The following TNR variants were observed in gnomAD, a reference collection of about 807,000 sequenced individuals.
TNR encodes tenascin-R.
TNR carries 45 observed loss-of-function variants against 150.4 expected under a neutral mutation model. The observed-to-expected ratio is 0.30, with a 90% confidence interval of 0.24 to 0.38. TNR has a LOEUF of 0.38. TNR is among the 10% of genes least tolerant of loss of function. TNR has a pLI of 1.00. For missense variants in TNR, 1,544 were observed against 1,759.1 expected, an observed-to-expected ratio of 0.88 and a Z score of 2.19; for synonymous variants, 687 against 678.4, an observed-to-expected ratio of 1.01 and a Z score of -0.20.
chr1:175,719,923 C>T (rs1379623684), intron 1 of TNR, among the ~76,000 whole-genome samples: 1 of 152,220 alleles, frequency 6.6e-6, no homozygotes, highest in Non-Finnish European at 1.5e-5. Context: ...ATTTCCACAA[C>T]AGTTCCTGTA....
intron 1 of TNR, among the ~76,000 whole-genome samples, chr1:175,570,975 G>A (rs956179780): frequency 2.6e-5 from 4 of 152,136 alleles, no homozygotes; most frequent in Admixed American, 6.5e-5. Flanking sequence ...TCCTTGAGGT[G>A]CATGTAGATT....
At chr1:175,382,729 A>G (rs859430) in intron 8 of TNR, among the ~76,000 whole-genome samples, 104,003 of 151,538 alleles carry the variant, frequency 0.69, 35,932 homozygotes, top group East Asian at 0.82. Flanking sequence ...GTGAAACCTC[A>G]TCTCTACTAA....
At chr1:175,658,173 C>T (rs1327156543) in intron 1 of TNR, among the ~76,000 whole-genome samples, 1 of 152,096 alleles carries the variant, frequency 6.6e-6, no homozygotes, top group Non-Finnish European at 1.5e-5. Flanking sequence ...CACCCCCAGA[C>T]CCTCAGGTCA....
intron 2 of TNR, among the ~76,000 whole-genome samples, chr1:175,419,875 T>C (rs1193245447): frequency 6.6e-6 from 1 of 152,166 alleles, no homozygotes; most frequent in African/African-American, 2.4e-5. Context: ...ACTCCTTCTC[T>C]TGGCACACAC....
intron 2 of TNR, among the ~76,000 whole-genome samples, chr1:175,499,678 T>A (rs1658646867): frequency 6.6e-6 from 1 of 152,226 alleles, no homozygotes; most frequent in South Asian, 2.1e-4. Context: ...TGTAATTAGT[T>A]CATCAAAGTG....
chr1:175,670,758 G>A (rs1665674228), intron 1 of TNR, among the ~76,000 whole-genome samples: 1 of 152,158 alleles, frequency 6.6e-6, no homozygotes, highest in Non-Finnish European at 1.5e-5. Context: ...TTAGAGAGAG[G>A]GGGATGTGGA....
intron 1 of TNR, among the ~76,000 whole-genome samples, chr1:175,675,292 C>T (rs901966729): frequency 7.2e-5 from 11 of 152,188 alleles, no homozygotes; most frequent in African/African-American, 2.7e-4. Flanking sequence ...TTACAAGCCT[C>T]GTTACTGAAC....
At chr1:175,515,617 C>T (rs1659372681) in intron 2 of TNR, among the ~76,000 whole-genome samples, 2 of 152,196 alleles carry the variant, frequency 1.3e-5, no homozygotes, top group Admixed American at 6.5e-5. Context: ...GCTGGAAAGA[C>T]AAGCCTGGTC....
At chr1:175,508,207 C>T (rs1659033987) in intron 2 of TNR, among the ~76,000 whole-genome samples, 1 of 152,120 alleles carries the variant, frequency 6.6e-6, no homozygotes, top group Admixed American at 6.5e-5. Context: ...AGCAAACCAC[C>T]ATGGCACATT....
chr1:175,392,583 T>G (rs1653226547), intron 6 of TNR, among the ~76,000 whole-genome samples: 1 of 152,246 alleles, frequency 6.6e-6, no homozygotes, highest in East Asian at 1.9e-4. Context: ...TCAATTGTTA[T>G]GTAACTCAAT....
intron 8 of TNR, among the ~76,000 whole-genome samples, chr1:175,381,074 C>T (rs1254174410): frequency 6.6e-6 from 1 of 152,216 alleles, no homozygotes; most frequent in Non-Finnish European, 1.5e-5. Context: ...GAAATTCTTC[C>T]TCACTCACTG....
intron 18 of TNR, among the ~76,000 whole-genome samples, chr1:175,351,447 A>G (rs939154668): frequency 1.1e-4 from 17 of 152,176 alleles, no homozygotes; most frequent in African/African-American, 4.1e-4. Context: ...GCATCACATC[A>G]TACTCTTGAA....
chr1:175,359,958 G>T (rs1651517942), intron 14 of TNR, among the ~76,000 whole-genome samples: 1 of 152,056 alleles, frequency 6.6e-6, no homozygotes, highest in Admixed American at 6.5e-5. Context: ...GTCGCCCCCA[G>T]CTCTTCCTTT....
At chr1:175,457,206 T>G (rs931160177) in intron 2 of TNR, among the ~76,000 whole-genome samples, 1 of 152,242 alleles carries the variant, frequency 6.6e-6, no homozygotes, top group Non-Finnish European at 1.5e-5. Context: ...AGAAGAGAAA[T>G]GTGCCCCCAG....
intron 2 of TNR, among the ~76,000 whole-genome samples, chr1:175,427,748 TTCCTTCCC>T (rs1655069152): frequency 6.8e-6 from 1 of 146,130 alleles, no homozygotes; most frequent in African/African-American, 2.5e-5. Flanking sequence ...CCTTCCTTCC[TTCCTTCCC>T]TTCTTCCCTC....
intron 22 of TNR, among the ~76,000 whole-genome samples, chr1:175,323,996 G>A (rs981409130): frequency 1.3e-5 from 2 of 152,162 alleles, no homozygotes; most frequent in Non-Finnish European, 2.9e-5. Context: ...TGTGGTCTCT[G>A]ATAGGGAAAG....
intron 2 of TNR, among the ~76,000 whole-genome samples, chr1:175,493,009 C>A (rs913924762): frequency 1.3e-5 from 2 of 152,048 alleles, no homozygotes; most frequent in Non-Finnish European, 2.9e-5. Context: ...TGGGTAGTCC[C>A]TCACACAGCC....
At chr1:175,449,242 G>T (rs375632717) in intron 2 of TNR, among the ~76,000 whole-genome samples, 24 of 152,138 alleles carry the variant, frequency 1.6e-4, no homozygotes, top group Non-Finnish European at 3.4e-4. Flanking sequence ...TTCCCAGGGC[G>T]CTCTGCTCCT....
At chr1:175,424,388 G>A (rs1654880537) in intron 2 of TNR, among the ~76,000 whole-genome samples, 1 of 152,214 alleles carries the variant, frequency 6.6e-6, no homozygotes, top group South Asian at 2.1e-4. Context: ...TTTCCCCTCT[G>A]CCCTGGCACC....
Sources: allele counts gnomAD v4.1 joint callset (sites outside exome capture counted in the v4.1 genomes callset), GRCh38; gene constraint gnomAD v4.1.1; transcripts MANE v1.5; gene names NCBI Gene and HGNC (gene_info 2026-07-23, HGNC 2026-07-21).